MED12L: variants seen among roughly 807,000 people sequenced by gnomAD.
MED12L encodes mediator complex subunit 12L, also known as mediator of RNA polymerase II transcription subunit 12-like protein.
Under a neutral mutation model 281.3 loss-of-function variants are expected in MED12L, and 60 were observed. The ratio of observed to expected loss-of-function variants is 0.21; its 90% confidence interval spans 0.17 to 0.26. The LOEUF is 0.26. Among genes scored for constraint, MED12L ranks in the 10% least tolerant of loss-of-function variants. MED12L has a pLI of 1.00. For missense variants in MED12L, 2,146 were observed against 2,680.9 expected, an observed-to-expected ratio of 0.80 and a Z score of 4.41; for synonymous variants, 974 against 987.2, an observed-to-expected ratio of 0.99 and a Z score of 0.25.
chr3:151,197,412 C>G (rs1196820449), intron 16 of MED12L, among the ~76,000 whole-genome samples: 1 of 152,160 alleles, frequency 6.6e-6, no homozygotes, highest in Non-Finnish European at 1.5e-5. Context: ...CTGCCCACCT[C>G]AGCCTCCCAA....
chr3:151,092,878 C>G (rs898740715), intron 2 of MED12L, among the ~76,000 whole-genome samples: 4 of 152,188 alleles, frequency 2.6e-5, no homozygotes, highest in African/African-American at 4.8e-5. Context: ...CCTCAGGTGA[C>G]TCTTAGGAGA....
intron 2 of MED12L, among the ~76,000 whole-genome samples, chr3:151,087,571 A>C (rs932166164): frequency 6.6e-6 from 1 of 152,186 alleles, no homozygotes; most frequent in Non-Finnish European, 1.5e-5. Context: ...TGCCCTTTAA[A>C]AATTAAAATT....
At chr3:151,410,891 G>A (rs989938775) in intron 40 of MED12L, among the ~76,000 whole-genome samples, 9 of 152,168 alleles carry the variant, frequency 5.9e-5, no homozygotes, top group African/African-American at 1.4e-4. Flanking sequence ...TTTTGGAAAT[G>A]ATATTAATAA....
At chr3:151,372,490 C>G in intron 26 of MED12L, 77 bp from the exon 27 acceptor site, 2 of 1,027,396 alleles carry the variant, frequency 1.9e-6, no homozygotes, top group East Asian at 2.4e-5. Flanking sequence ...TCCCTGAATG[C>G]TATCCTCATT....
rs1420862767 is a variant in MED12L at position 151,245,876 on chromosome 3, G to T, written c.2250+52210G>T. Among the ~76,000 whole-genome samples, 2 of 151,746 alleles carry T rather than the reference G, an allele frequency of 1.3e-5. 1 individual carries two copies. The highest frequency in any genetic ancestry group is 6.8e-3 in the Middle Eastern group (2 of 294). On this transcript the variant is annotated intron_variant, in intron 16 of 44. Coordinates refer to ENST00000687756, the MANE Select transcript of MED12L (RefSeq NM_001393769.1). ...GATTGTATATCTAGAAAACCCCATCGTTTCAGCCCAAAATCTCCTTAAGCT... is the reference window on the plus strand; with the variant it reads ...GATTGTATATCTAGAAAACCCCATCTTTTCAGCCCAAAATCTCCTTAAGCT...
chr3:151,377,899 T>C, intron 30 of MED12L, 113 bp from the exon 31 acceptor site: 1 of 1,048,016 alleles, frequency 9.5e-7, no homozygotes, highest in Non-Finnish European at 1.3e-6. Context: ...AGGGAAATTT[T>C]AGAACAGTCT....
intron 5 of MED12L, among the ~76,000 whole-genome samples, chr3:151,150,423 C>T (rs1718300195): frequency 6.6e-6 from 1 of 152,152 alleles, no homozygotes; most frequent in African/African-American, 2.4e-5. Flanking sequence ...GTGCTGTAAA[C>T]AAATGTCCTG....
At chr3:151,242,101 C>T (rs562333996) in intron 16 of MED12L, among the ~76,000 whole-genome samples, 4 of 152,318 alleles carry the variant, frequency 2.6e-5, no homozygotes, top group East Asian at 3.9e-4. Flanking sequence ...GATTATATCC[C>T]GCACCTGGCT....
At chr3:151,103,746 G>A (rs1159796616) in intron 2 of MED12L, among the ~76,000 whole-genome samples, 1 of 152,192 alleles carries the variant, frequency 6.6e-6, no homozygotes, top group Non-Finnish European at 1.5e-5. Flanking sequence ...TTTCGCAGAA[G>A]AGAAAGGGAG....
intron 40 of MED12L, among the ~76,000 whole-genome samples, chr3:151,410,930 C>T (rs1716861826): frequency 6.6e-6 from 1 of 152,192 alleles, no homozygotes; most frequent in Non-Finnish European, 1.5e-5. Context: ...TTGGTGTCAT[C>T]TGTGCACTGA....
At chr3:151,357,106 T>C (rs964734295) in intron 19 of MED12L, 107 bp from the exon 20 acceptor site, 1 of 917,336 alleles carries the variant, frequency 1.1e-6, no homozygotes, top group Non-Finnish European at 1.6e-6. Flanking sequence ...ATTTAGGGAA[T>C]GTATTTGTAG....
At chr3:151,381,325 C>T (rs901942469) in intron 32 of MED12L, among the ~76,000 whole-genome samples, 3 of 152,130 alleles carry the variant, frequency 2.0e-5, no homozygotes, top group African/African-American at 7.2e-5. Flanking sequence ...ATATAGCAAT[C>T]ATAGTGAACC....
At chr3:151,159,782 A>G in intron 7 of MED12L, 50 bp from the exon 8 acceptor site, 1 of 1,534,444 alleles carries the variant, frequency 6.5e-7, no homozygotes, top group South Asian at 1.2e-5. Flanking sequence ...TAGTTATTTA[A>G]CCAAGACGCA....
At chr3:151,339,647 A>T (rs546399448) in intron 16 of MED12L, among the ~76,000 whole-genome samples, 67 of 152,244 alleles carry the variant, frequency 4.4e-4, no homozygotes, top group Non-Finnish European at 9.1e-4. Context: ...AACAGTAAAA[A>T]AAAAAATAAG....
chr3:151,252,557 G>T (rs1399056129), intron 16 of MED12L, among the ~76,000 whole-genome samples: 1 of 152,046 alleles, frequency 6.6e-6, no homozygotes, highest in Non-Finnish European at 1.5e-5. Context: ...AAGATGTGTT[G>T]CTTCCTTAAT....
chr3:151,167,333 A>G (rs1720849488), intron 11 of MED12L, among the ~76,000 whole-genome samples: 1 of 152,238 alleles, frequency 6.6e-6, no homozygotes, highest in Non-Finnish European at 1.5e-5. Context: ...GATAATATCC[A>G]GCCTGTGCTA....
intron 5 of MED12L, among the ~76,000 whole-genome samples, chr3:151,143,634 G>A (rs1717351840): frequency 6.6e-6 from 1 of 152,196 alleles, no homozygotes. Flanking sequence ...ATCTTCAGGA[G>A]GGTGGGTGCC....
At chr3:151,134,303 A>C (rs1163351102) in intron 5 of MED12L, among the ~76,000 whole-genome samples, 2 of 151,852 alleles carry the variant, frequency 1.3e-5, no homozygotes, top group African/African-American at 2.4e-5. Context: ...TTCATTAGTA[A>C]ATGTTTGCTG....
intron 17 of MED12L, among the ~76,000 whole-genome samples, chr3:151,353,181 T>G (rs1398315257): frequency 6.6e-6 from 1 of 152,160 alleles, no homozygotes; most frequent in East Asian, 1.9e-4. Context: ...TTTAAGTCTG[T>G]TGTTATTATT....
Sources: allele counts gnomAD v4.1 joint callset (sites outside exome capture counted in the v4.1 genomes callset), GRCh38; gene constraint gnomAD v4.1.1; transcripts MANE v1.5; gene names NCBI Gene and HGNC (gene_info 2026-07-23, HGNC 2026-07-21).